LINGO2: variants seen among roughly 807,000 people sequenced by gnomAD.
The protein encoded by LINGO2 is leucine rich repeat and Ig domain containing 2.
A neutral mutation model predicts 30.6 loss-of-function variants in LINGO2; 14 were observed. That is an observed-to-expected ratio of 0.46 (90% CI 0.30 to 0.72). The LOEUF (loss-of-function observed/expected upper bound fraction) is 0.72. Among genes scored for constraint, LINGO2 ranks in the 30% least tolerant of loss-of-function variants. LINGO2 has a pLI of 0.07. For missense variants in LINGO2, 729 were observed against 751.7 expected (o/e 0.97, Z 0.35); for synonymous variants, 317 against 288.5 (o/e 1.10, Z -1.00).
intron 3 of LINGO2, among the ~76,000 whole-genome samples, chr9:28,352,115 A>G (rs946243794): frequency 2.0e-5 from 3 of 149,340 alleles, no homozygotes; most frequent in East Asian, 2.0e-4. Flanking sequence ...CTCTCTCACC[A>G]CTCCTATTCA....
the LINGO2 span, among the ~76,000 whole-genome samples, chr9:28,817,792 T>C: frequency 6.6e-6 from 1 of 152,178 alleles, no homozygotes; most frequent in African/African-American, 2.4e-5. Context: ...TGAAAAAGCC[T>C]TATGCCAGAC....
intron 1 of LINGO2, among the ~76,000 whole-genome samples, chr9:28,616,435 T>C (rs1276806791): frequency 6.6e-6 from 1 of 152,182 alleles, no homozygotes; most frequent in Admixed American, 6.5e-5. Context: ...TGAAGTGATG[T>C]GTCTGAAGGT....
rs1822418550 is a variant in LINGO2, at chr9:28,553,325, C to T, written c.-364-77300G>A. Among the ~76,000 whole-genome samples the T allele has an allele frequency of 2.0e-5, 3 of 151,940 alleles. No individual in the cohort carries two copies. The South Asian group carries it at 6.2e-4, about 32-fold the overall frequency. ...TAAAGGAGCTGATGGAGCTGAAAAC[C>T]AAGGCTCGAGAACTACGTGAAGAAT... On this transcript the variant is annotated intron_variant, in intron 1 of 5. Transcript: ENST00000379992.
chr9:28,632,374 G>C (rs1826986434), intron 1 of LINGO2, among the ~76,000 whole-genome samples: 1 of 151,882 alleles, frequency 6.6e-6, no homozygotes, highest in Admixed American at 6.6e-5. Flanking sequence ...AAGCCAAAGA[G>C]TGGGTTCCAA....
chr9:28,335,957 T>C (rs1825575437), intron 3 of LINGO2, among the ~76,000 whole-genome samples: 1 of 152,098 alleles, frequency 6.6e-6, no homozygotes, highest in Admixed American at 6.6e-5. Context: ...TGCTCAGTAG[T>C]ATAATTTTAG....
chr9:28,643,083 GAATC>G (rs1827674335), intron 1 of LINGO2, among the ~76,000 whole-genome samples: 1 of 151,902 alleles, frequency 6.6e-6, no homozygotes, highest in African/African-American at 2.4e-5. Context: ...TATGTTAGAA[GAATC>G]AATATTGATA....
At chr9:28,224,180 T>G (rs1476910475) in intron 4 of LINGO2, among the ~76,000 whole-genome samples, 2 of 152,160 alleles carry the variant, frequency 1.3e-5, no homozygotes, top group African/African-American at 4.8e-5. Context: ...TTCTCCTGCC[T>G]CAGCCTCCCG....
At chr9:28,033,490 G>A (rs72724937) in intron 4 of LINGO2, among the ~76,000 whole-genome samples, 24,405 of 152,084 alleles carry the variant, frequency 0.16, 2,171 homozygotes, top group South Asian at 0.31. Context: ...TGGTGGGAAG[G>A]GGAGGCAGAG....
intron 4 of LINGO2, among the ~76,000 whole-genome samples, chr9:28,027,301 A>C (rs1057190689): frequency 3.9e-5 from 6 of 152,170 alleles, no homozygotes; most frequent in African/African-American, 1.2e-4. Flanking sequence ...TAACTTGTCC[A>C]AGATCTCGCA....
chr9:29,192,449 G>C, the LINGO2 span, among the ~76,000 whole-genome samples: 1 of 152,072 alleles, frequency 6.6e-6, no homozygotes, highest in Non-Finnish European at 1.5e-5. Flanking sequence ...TTAAAATGGA[G>C]ATTGATTTCC....
At chr9:28,402,585 C>G (rs1346690839) in intron 2 of LINGO2, among the ~76,000 whole-genome samples, 1 of 151,860 alleles carries the variant, frequency 6.6e-6, no homozygotes, top group Non-Finnish European at 1.5e-5. Flanking sequence ...CCCTCTCCCT[C>G]CTTCCCTCCC....
intron 4 of LINGO2, among the ~76,000 whole-genome samples, chr9:28,088,416 A>G (rs541972171): frequency 6.6e-6 from 1 of 152,156 alleles, no homozygotes; most frequent in African/African-American, 2.4e-5. Flanking sequence ...TGATAAAAGC[A>G]AAATGTTAAA....
chr9:28,785,206 C>T, the LINGO2 span, among the ~76,000 whole-genome samples: 1 of 152,264 alleles, frequency 6.6e-6, no homozygotes, highest in East Asian at 1.9e-4. Context: ...GTAAGATACA[C>T]TGGATAGAAC....
chr9:29,180,050 G>GGAAGGCAGCA, the LINGO2 span, among the ~76,000 whole-genome samples: 1 of 152,166 alleles, frequency 6.6e-6, no homozygotes, highest in East Asian at 1.9e-4. Flanking sequence ...TCAGTAAGTA[G>GGAAGGCAGCA]GTAGATAGGA....
At chr9:29,209,512 AAAGG>A in the LINGO2 span, among the ~76,000 whole-genome samples, 4 of 152,156 alleles carry the variant, frequency 2.6e-5, no homozygotes, top group Non-Finnish European at 4.4e-5. Context: ...GGGAAGAAGA[AAAGG>A]AAGGAAGGAA....
chr9:28,054,777 C>A (rs958450372), intron 4 of LINGO2, among the ~76,000 whole-genome samples: 5 of 151,564 alleles, frequency 3.3e-5, no homozygotes, highest in African/African-American at 1.2e-4. Context: ...GATCATATTC[C>A]AGGCTATAAC....
intron 2 of LINGO2, among the ~76,000 whole-genome samples, chr9:28,373,538 A>G (rs1184231898): frequency 6.6e-6 from 1 of 152,136 alleles, no homozygotes; most frequent in Non-Finnish European, 1.5e-5. Context: ...TTTTTTAGTC[A>G]TTGTTCTCTT....
the LINGO2 span, among the ~76,000 whole-genome samples, chr9:29,181,943 G>A: frequency 9.8e-5 from 15 of 152,316 alleles, no homozygotes; most frequent in East Asian, 2.7e-3. Context: ...CAGACTCCAT[G>A]CAGTTTTGAG....
chr9:28,566,494 T>C (rs922356475), intron 1 of LINGO2, among the ~76,000 whole-genome samples: 1 of 152,190 alleles, frequency 6.6e-6, no homozygotes, highest in African/African-American at 2.4e-5. Context: ...ACATGATCTT[T>C]ATACCATTGG....
Sources: allele counts gnomAD v4.1 joint callset (sites outside exome capture counted in the v4.1 genomes callset), GRCh38; gene constraint gnomAD v4.1.1; transcripts MANE v1.5; gene names NCBI Gene and HGNC (gene_info 2026-07-23, HGNC 2026-07-21).